Variants in FOXP1 observed in about 807,000 individuals in gnomAD.
FOXP1 encodes forkhead box P1, also known as forkhead box protein P1.
A neutral mutation model predicts 98.2 loss-of-function variants in FOXP1; 15 were observed. The ratio of observed to expected loss-of-function variants is 0.15; its 90% CI spans 0.10 to 0.24. The LOEUF (loss-of-function observed/expected upper bound fraction) is 0.24. Among genes scored for constraint, FOXP1 ranks in the 10% least tolerant of loss-of-function variants. The pLI, the probability that FOXP1 is intolerant of heterozygous loss-of-function variation, is 1.00. For synonymous variants in FOXP1, 371 were observed against 314.5 expected (o/e 1.18, Z -1.90); for missense variants, 633 against 848.5 (o/e 0.75, Z 3.15).
chr3:71,137,384 G>A (rs767530068), intron 6 of FOXP1, among the ~76,000 whole-genome samples: 7 of 152,184 alleles, frequency 4.6e-5, no homozygotes, highest in Non-Finnish European at 7.4e-5. Flanking sequence ...TCCTCCATAC[G>A]GTCTGAGATT....
At chr3:71,540,637 G>A (rs1268575393) in intron 2 of FOXP1, among the ~76,000 whole-genome samples, 1 of 152,160 alleles carries the variant, frequency 6.6e-6, no homozygotes, top group Non-Finnish European at 1.5e-5. Context: ...TTATCATCAC[G>A]ATTCTAGAGC....
At chr3:70,972,056 GGACGGCCTCGTTGAATAT>G (rs1374814426) in intron 18 of FOXP1, 3 of 1,507,116 alleles carry the variant, frequency 2.0e-6, no homozygotes, top group Admixed American at 2.2e-5. Flanking sequence ...GTATTTGCGA[GGACGGCCTCGTTGAATAT>G]GGCGGCCACG....
chr3:71,170,073 AGAG>A (rs552163510), intron 6 of FOXP1, among the ~76,000 whole-genome samples: 8 of 152,214 alleles, frequency 5.3e-5, no homozygotes, highest in South Asian at 2.1e-4. Flanking sequence ...CTGCTTAATG[AGAG>A]GAGAACTGGT....
At chr3:71,306,387 T>C (rs2107597678) in intron 4 of FOXP1, among the ~76,000 whole-genome samples, 1 of 152,252 alleles carries the variant, frequency 6.6e-6, no homozygotes, top group South Asian at 2.1e-4. Context: ...ATGGGTTGCA[T>C]TTCAATCTTT....
At chr3:71,431,769 G>A (rs757841335) in intron 3 of FOXP1, among the ~76,000 whole-genome samples, 2 of 152,182 alleles carry the variant, frequency 1.3e-5, no homozygotes, top group African/African-American at 4.8e-5. Flanking sequence ...CAAGTCACCC[G>A]ATGACCTTGG....
chr3:71,530,338 C>A (rs190635930), intron 2 of FOXP1, among the ~76,000 whole-genome samples: 10 of 152,252 alleles, frequency 6.6e-5, no homozygotes, highest in Admixed American at 3.9e-4. Context: ...CACACCCTCC[C>A]GCCACGTGAT....
intron 14 of FOXP1, among the ~76,000 whole-genome samples, chr3:70,980,050 C>CCCAGCAAGCTGAGCA (rs1171591589): frequency 1.3e-5 from 2 of 151,972 alleles, no homozygotes; most frequent in African/African-American, 2.4e-5. Context: ...TTACAAATGC[C>CCCAGCAAGCTGAGCA]CCAGCAAGCT....
At chr3:71,128,237 C>T (rs956607460) in intron 6 of FOXP1, among the ~76,000 whole-genome samples, 7 of 151,358 alleles carry the variant, frequency 4.6e-5, no homozygotes, top group Non-Finnish European at 8.8e-5. Flanking sequence ...TGCCAGTATG[C>T]GCACATATAT....
intron 2 of FOXP1, among the ~76,000 whole-genome samples, chr3:71,512,005 T>A (rs1187877183): frequency 1.3e-5 from 2 of 152,352 alleles, no homozygotes; most frequent in Non-Finnish European, 2.9e-5. Flanking sequence ...AGTCAACATT[T>A]ACTTTGTGCC....
In FOXP1 at chr3:71,044,963, A is replaced by T. The variant is rs530069299; in HGVS notation, c.664+1979T>A. Reference sequence around the variant, plus strand: ...AGTTTTAAGCCATCATCTCTCTGATAAAAAAAAATTGTGTTCTAGTCCAAC... The same window carrying T: ...AGTTTTAAGCCATCATCTCTCTGATTAAAAAAAATTGTGTTCTAGTCCAAC... On this transcript the variant is annotated intron_variant, in intron 10 of 20. Transcript: ENST00000649528. 1.4e-3 allele frequency among the ~76,000 whole-genome samples: 213 copies of T among 151,896 alleles called. 1 individual carries two copies. The highest frequency in any genetic ancestry group is 4.9e-3 in the African/African-American group (201 of 41,438).
At chr3:71,369,893 C>A (rs2079177483) in intron 3 of FOXP1, among the ~76,000 whole-genome samples, 1 of 152,148 alleles carries the variant, frequency 6.6e-6, no homozygotes, top group Admixed American at 6.5e-5. Context: ...AGGTTTAAGA[C>A]CTCCTGGAGC....
chr3:71,086,326 C>A (rs2055091105), intron 7 of FOXP1, among the ~76,000 whole-genome samples: 1 of 152,170 alleles, frequency 6.6e-6, no homozygotes, highest in Non-Finnish European at 1.5e-5. Context: ...CATTACAGTT[C>A]TAGCTTACTT....
At chr3:71,090,898 AG>A (rs1331989490) in intron 7 of FOXP1, among the ~76,000 whole-genome samples, 1 of 152,170 alleles carries the variant, frequency 6.6e-6, no homozygotes, top group African/African-American at 2.4e-5. Context: ...TGAAATGCAT[AG>A]GGGGTTGACA....
intron 4 of FOXP1, among the ~76,000 whole-genome samples, chr3:71,339,067 G>A (rs1160083002): frequency 6.6e-6 from 1 of 152,164 alleles, no homozygotes; most frequent in African/African-American, 2.4e-5. Flanking sequence ...ATGTTTACTA[G>A]TGTCTGGATA....
intron 3 of FOXP1, among the ~76,000 whole-genome samples, chr3:71,387,619 T>C (rs1169375341): frequency 6.6e-6 from 1 of 152,234 alleles, no homozygotes; most frequent in African/African-American, 2.4e-5. Flanking sequence ...TCCATAAAAA[T>C]GTATCAACTT....
In FOXP1 at chr3:71,254,360, T is replaced by C. The variant is rs144408410; in HGVS notation, c.-12+45460A>G. ...TGGGCACACAAAAATAAATAACCTA[T>C]TAAGAGTCATGACTACTGGGCTGAC... On this transcript the variant is annotated intron_variant, in intron 5 of 20. Transcript: ENST00000649528. Among the ~76,000 whole-genome samples the C allele has an allele frequency of 6.7e-3, 1,024 of 152,236 alleles. 14 individuals carry two copies. The highest frequency in any genetic ancestry group is 0.024 in the African/African-American group (991 of 41,522).
At chr3:71,051,213 C>T (rs1341882117) in intron 9 of FOXP1, among the ~76,000 whole-genome samples, 1 of 152,164 alleles carries the variant, frequency 6.6e-6, no homozygotes, top group East Asian at 1.9e-4. Context: ...ACATTTTAGA[C>T]ACTTTTTAAT....
At chr3:71,366,835 G>C (rs2078961516) in intron 3 of FOXP1, among the ~76,000 whole-genome samples, 1 of 152,106 alleles carries the variant, frequency 6.6e-6, no homozygotes, top group Admixed American at 6.5e-5. Context: ...CTTTTTAAAA[G>C]TCCTCTTAAT....
rs780881242 is a variant in FOXP1, at chr3:70,977,900, T to C, written c.1276A>G (p.Thr426Ala). Residue 426 changes from threonine (T) to alanine (A), a missense_variant, in exon 15 of 21, where the codon ACC becomes GCC. Physicochemically the swap from Thr to Ala is moderately conservative, Grantham distance 58. Around this residue, in one of 6 missense-constraint regions of FOXP1, gnomAD observed 141 missense variants for 199.5 expected, o/e 0.71. Coordinates refer to ENST00000649528, the MANE Select transcript of FOXP1 (RefSeq NM_001349338.3). ...GGTCCCACCGTGTGCATGCTGGTGG[T>C]TGTGATGACAGAGGGGCCTTGGGTG... ...PVTQGPSVIT[T>A]TSMHTVGPIR... 8.1e-6 allele frequency: 13 copies of C among 1,613,940 alleles called. No homozygotes were observed. Among genetic ancestry groups the C allele is most frequent in the East Asian group, 2.2e-5 (1 of 44,886 alleles).
Sources: allele counts gnomAD v4.1 joint callset (sites outside exome capture counted in the v4.1 genomes callset), GRCh38; gene constraint gnomAD v4.1.1; regional missense constraint gnomAD v4.1.1; transcripts MANE v1.5; gene names NCBI Gene and HGNC (gene_info 2026-07-23, HGNC 2026-07-21).